The following TSC2 variants were observed in gnomAD, a reference collection of about 807,000 sequenced individuals.
TSC2 encodes TSC complex subunit 2.
A neutral mutation model predicts 202.2 loss-of-function variants in TSC2; 29 were observed. The observed-to-expected ratio is 0.14, with a 90% CI of 0.11 to 0.20. The LOEUF (loss-of-function observed/expected upper bound fraction) is 0.20. TSC2 is among the 10% of genes least tolerant of loss of function. The pLI, the probability that TSC2 is intolerant of heterozygous loss-of-function variation, is 1.00. For missense variants in TSC2, 2,429 were observed against 2,420.0 expected (o/e 1.00, Z -0.08); for synonymous variants, 1,349 against 1,044.0 (o/e 1.29, Z -5.63).
At chr16:2,054,592 C>T (rs368616004) in intron 5 of TSC2, 152 bp downstream of exon 5, 43 of 1,199,312 alleles carry the variant, frequency 3.6e-5, no homozygotes, top group Non-Finnish European at 5.0e-5. Context: ...GGCTCACCTG[C>T]GTGGCCGGAG....
intron 11 of TSC2, 47 bp from the exon 12 acceptor site, chr16:2,061,824 A>G (rs947335502): frequency 3.1e-6 from 5 of 1,613,560 alleles, no homozygotes; most frequent in East Asian, 2.2e-5. Context: ...TGCCAAGTCC[A>G]TGTGGGGAGT....
intron 4 of TSC2, chr16:2,053,779 C>G: frequency 1.8e-6 from 1 of 543,134 alleles, no homozygotes; most frequent in Non-Finnish European, 3.5e-6. Flanking sequence ...TTTGCCCTTG[C>G]ACCCTTTCGG....
chr16:2,055,612 G>A (rs2085693293), intron 6 of TSC2, 93 bp downstream of exon 6: 1 of 1,258,786 alleles, frequency 7.9e-7, no homozygotes, highest in East Asian at 2.3e-5. Context: ...TAGAGGTTGG[G>A]CTGGGCACAA....
chr16:2,073,126 C>T lies in TSC2; in HGVS notation c.2355+143C>T, dbSNP rs1328885815. On this transcript the variant is annotated intron_variant, in intron 21 of 41. Transcript: ENST00000219476. Reference sequence around the variant, plus strand: ...TTGGCTCTGCTTCCCTGGGTGGCTGCCAGATGCCCAGAGTGGGGACATCCG... The same window carrying T: ...TTGGCTCTGCTTCCCTGGGTGGCTGTCAGATGCCCAGAGTGGGGACATCCG... 13 of 1,324,416 alleles carry T rather than the reference C, an allele frequency of 9.8e-6. No homozygotes were observed. In the East Asian group the frequency reaches 2.8e-4, roughly 28 times the overall value. The allele number at this position is 1,324,416 out of a possible 1,614,324, so 82.0% of individuals were successfully genotyped here.
chr16:2,086,693 A>G (rs2090835372), intron 37 of TSC2, 39 bp from the exon 38 acceptor site: 1 of 1,605,376 alleles, frequency 6.2e-7, no homozygotes, highest in East Asian at 2.2e-5. Flanking sequence ...GGGCCTCAGC[A>G]CTGGCCCCAC....
intron 36 of TSC2, among the ~76,000 whole-genome samples, 192 bp from the exon 37 acceptor site, chr16:2,086,001 G>A (rs1395357514): frequency 1.3e-5 from 2 of 152,174 alleles, no homozygotes; most frequent in Non-Finnish European, 2.9e-5. Context: ...AGGCACACAC[G>A]GGGCTGAGGG....
In TSC2 at chr16:2,053,441, G is replaced by A. The variant is rs369932305; in HGVS notation, c.325G>A (p.Val109Met). 1.0e-5 allele frequency: 16 copies of A among 1,575,008 alleles called. No individual in the cohort carries two copies. Among genetic ancestry groups the A allele is most frequent in the South Asian group, 3.5e-5 (3 of 85,820 alleles). Residue 109 changes from valine (V) to methionine (M), a missense_variant, in exon 4 of 42, where the codon GTG becomes ATG. Physicochemically the swap from Val to Met is conservative, Grantham distance 21. Coordinates refer to ENST00000219476, the MANE Select transcript of TSC2 (RefSeq NM_000548.5). ...GGTGCTGGCTCTGCTGAAGGCCATC[G>A]TGCAGGGGCAGGTAAGGCCCAGGGC... ...HAVLALLKAI[V>M]QGQGERLGVL...
chr16:2,054,120 C>G (rs888011502), intron 4 of TSC2, 176 bp from the exon 5 acceptor site: 17 of 1,001,774 alleles, frequency 1.7e-5, no homozygotes, highest in Non-Finnish European at 1.9e-5. Context: ...GCCGGTGCAT[C>G]CGGCCCCCTG....
At chr16:2,049,071 G>A (rs1320716671) in intron 2 of TSC2, among the ~76,000 whole-genome samples, 1 of 151,826 alleles carries the variant, frequency 6.6e-6, no homozygotes, top group Non-Finnish European at 1.5e-5. Flanking sequence ...TGAGTTCCTG[G>A]GAGAAGTAGG....
chr16:2,075,596 C>T (rs2089212143), intron 22 of TSC2, among the ~76,000 whole-genome samples: 1 of 150,064 alleles, frequency 6.7e-6, no homozygotes, highest in African/African-American at 2.5e-5. Flanking sequence ...TGGTAGGCGA[C>T]AGCTCGAATT....
chr16:2,048,452 T>C (rs934351904), intron 1 of TSC2, 135 bp from the exon 2 acceptor site: 48 of 1,161,314 alleles, frequency 4.1e-5, no homozygotes, highest in Non-Finnish European at 5.9e-5. Context: ...GGGCTGTAGT[T>C]GAGTTCTCCC....
chr16:2,077,598 T>G lies in TSC2; in HGVS notation c.2838T>G (p.Ser946Arg). 1 of 1,612,918 alleles carries G rather than the reference T, an allele frequency of 6.2e-7. No individual in the cohort carries two copies. Among genetic ancestry groups the G allele is most frequent in the Non-Finnish European group, 8.5e-7 (1 of 1,179,972 alleles). ...TTGGGGCTCCTTCCTCACCCGATAGTCTGAGGATAGCCAGACCCCCCAAAC... is the reference window on the plus strand; with the variant it reads ...TTGGGGCTCCTTCCTCACCCGATAGGCTGAGGATAGCCAGACCCCCCAAAC... ...RSTSLNERPKSLRIARPPKQG... is the reference protein window; with the variant it reads ...RSTSLNERPKRLRIARPPKQG... Residue 946 changes from serine (S) to arginine (R), a missense_variant and splice_region_variant, in exon 26 of 42, where the codon AGT becomes AGG. Ser to Arg is a moderately radical substitution (Grantham distance 110, BLOSUM62 -1). Transcript: ENST00000219476.
intron 26 of TSC2, chr16:2,078,614 G>C (rs186437491): frequency 3.0e-5 from 9 of 299,234 alleles, no homozygotes; most frequent in African/African-American, 2.0e-4. Context: ...TGAGGGTGAC[G>C]GTGGAAGGCC....
chr16:2,055,390 C>T lies in TSC2; in HGVS notation c.482-12C>T, dbSNP rs1395970017. ...TCGGCGTCCTCGCAAACTGCCGCCGCTTCTCCCCCAGCTGACTTTGTCCTG... is the reference window on the plus strand; with the variant it reads ...TCGGCGTCCTCGCAAACTGCCGCCGTTTCTCCCCCAGCTGACTTTGTCCTG... On this transcript the variant is annotated splice_polypyrimidine_tract_variant and intron_variant, in intron 5 of 41. Coordinates refer to ENST00000219476, the MANE Select transcript of TSC2 (RefSeq NM_000548.5). 1 of 1,612,404 alleles carries T rather than the reference C, an allele frequency of 6.2e-7. No individual in the cohort carries two copies.
intron 31 of TSC2, chr16:2,082,016 T>C (rs902144171): frequency 4.3e-6 from 3 of 691,878 alleles, no homozygotes; most frequent in Non-Finnish European, 7.5e-6. Context: ...TCAGAAGCAG[T>C]AGGGGCCCTG....
rs896312387 is a variant in TSC2, at chr16:2,082,778, T to C, written c.3883+274T>C. The C allele has an allele frequency of 8.8e-6, 5 of 565,154 alleles. No individual in the cohort carries two copies. The Admixed American group carries it at 1.5e-4, about 17-fold the overall frequency. The allele number at this position is 565,154 out of a possible 1,614,324, so 35.0% of individuals were successfully genotyped here. A position where few individuals can be genotyped will look rare whatever the true frequency, so the allele number is the denominator to read the frequency against. ...GCCTGAGGGGTGGGGGTGGCCTGAG[T>C]CTCCATGGTGACATCAGCTGAGCTG... On this transcript the variant is annotated intron_variant, in intron 32 of 41. Coordinates refer to ENST00000219476, the MANE Select transcript of TSC2 (RefSeq NM_000548.5).
At position 2,062,128 on chromosome 16, in the gene TSC2, A is replaced by T. The variant is rs543865141; in HGVS notation, c.1257+120A>T. On this transcript the variant is annotated intron_variant, in intron 12 of 41. Transcript: ENST00000219476. ...AGGGCCAGGTGGGCGCCTGCTTTCC[A>T]GGTTTCTGCACTCGGCAGGGAAGGC... 5 of 1,433,502 alleles carry T rather than the reference A, an allele frequency of 3.5e-6. No individual in the cohort carries two copies. The East Asian group carries it at 9.7e-5, about 28-fold the overall frequency. 88.8% of individuals were successfully genotyped at this position (1,433,502 alleles called of 1,614,324 possible). A position where few individuals can be genotyped will look rare whatever the true frequency, so the allele number is the denominator to read the frequency against.
At chr16:2,065,412 CAAAAAAA>C (rs369052665) in intron 15 of TSC2, 100 bp from the exon 16 acceptor site, 34 of 426,886 alleles carry the variant, frequency 8.0e-5, no homozygotes, top group Non-Finnish European at 9.7e-5. Context: ...GACTCGATCT[CAAAAAAA>C]AAAAAAAAAA....
At chr16:2,054,069 C>T (rs925836841) in intron 4 of TSC2, 33 of 629,720 alleles carry the variant, frequency 5.2e-5, no homozygotes, top group African/African-American at 9.2e-5. Context: ...TGCCAGGTCC[C>T]GACACACAGC....
Sources: allele counts gnomAD v4.1 joint callset (sites outside exome capture counted in the v4.1 genomes callset), GRCh38; gene constraint gnomAD v4.1.1; transcripts MANE v1.5; gene names NCBI Gene and HGNC (gene_info 2026-07-23, HGNC 2026-07-21).